NBEA: variants seen among roughly 807,000 people sequenced by gnomAD.
The protein encoded by NBEA is lysosomal-trafficking regulator 2.
In NBEA, 44 loss-of-function variants were observed where a neutral mutation model predicts 343.4. That is an observed-to-expected ratio of 0.13 (90% CI 0.10 to 0.16). The LOEUF (loss-of-function observed/expected upper bound fraction) is 0.16. Among genes scored for constraint, NBEA ranks in the 10% least tolerant of loss-of-function variants. NBEA has a pLI of 1.00. For missense variants in NBEA, 2,555 were observed against 3,631.3 expected (o/e 0.70, Z 7.62); for synonymous variants, 1,175 against 1,238.7 (o/e 0.95, Z 1.08).
intron 1 of NBEA, among the ~76,000 whole-genome samples, chr13:34,973,426 G>T (rs1264124334): frequency 6.6e-6 from 1 of 152,214 alleles, no homozygotes; most frequent in Admixed American, 6.5e-5. Flanking sequence ...AAAGATGGCA[G>T]CCTGCCCCTC....
chr13:35,478,460 T>TG (rs1368347390), intron 41 of NBEA, among the ~76,000 whole-genome samples: 2 of 152,216 alleles, frequency 1.3e-5, no homozygotes, highest in Non-Finnish European at 2.9e-5. Flanking sequence ...CAGTGGTCTC[T>TG]GGGGAAACGC....
intron 38 of NBEA, among the ~76,000 whole-genome samples, chr13:35,369,016 C>T (rs939858783): frequency 2.0e-5 from 3 of 151,692 alleles, no homozygotes; most frequent in African/African-American, 7.2e-5. Flanking sequence ...GAAGTGTTTG[C>T]CTGCATTTTC....
At chr13:35,500,234 C>T (rs972226005) in intron 41 of NBEA, among the ~76,000 whole-genome samples, 1 of 152,084 alleles carries the variant, frequency 6.6e-6, no homozygotes, top group African/African-American at 2.4e-5. Context: ...TCCAGGGTTG[C>T]TTTCCACTCG....
At chr13:35,236,789 A>G (rs2152774546) in intron 34 of NBEA, among the ~76,000 whole-genome samples, 1 of 151,122 alleles carries the variant, frequency 6.6e-6, no homozygotes, top group South Asian at 2.1e-4. Flanking sequence ...TCCCCAAATT[A>G]TACTCATCCT....
At chr13:35,363,419 T>C (rs1053010912) in intron 38 of NBEA, among the ~76,000 whole-genome samples, 3 of 151,854 alleles carry the variant, frequency 2.0e-5, no homozygotes, top group Non-Finnish European at 4.4e-5. Context: ...ATGTACCCTA[T>C]CACTTTTATG....
rs554382693 is a variant in NBEA, at chr13:35,213,645, A to G, written c.5648+2466A>G. Reference sequence around the variant, plus strand: ...TTTTAGTAATGATTTTTAGTTTTCTATGTGGAAGTCTTAGATGTTTCTAAA... The same window carrying G: ...TTTTAGTAATGATTTTTAGTTTTCTGTGTGGAAGTCTTAGATGTTTCTAAA... On this transcript the variant is annotated intron_variant, in intron 33 of 58. Coordinates refer to ENST00000379939, the MANE Select transcript of NBEA (RefSeq NM_001385012.1). 7.6e-5 allele frequency among the ~76,000 whole-genome samples: 11 copies of G among 144,212 alleles called. 1 individual carries two copies. In the South Asian group the frequency reaches 2.5e-3, roughly 33 times the overall value. 94.6% of individuals were successfully genotyped at this position (144,212 alleles called of 152,430 possible).
intron 8 of NBEA, among the ~76,000 whole-genome samples, chr13:35,063,623 A>C (rs2063542892): frequency 6.6e-6 from 1 of 152,000 alleles, no homozygotes. Context: ...CTTGAGTGAG[A>C]GGAACAGCCA....
chr13:35,010,687 C>G (rs1593452733), intron 1 of NBEA, among the ~76,000 whole-genome samples: 1 of 115,622 alleles, frequency 8.6e-6, no homozygotes, highest in African/African-American at 3.4e-5. Flanking sequence ...AATGGGAATT[C>G]AAGACCAGCC....
chr13:35,370,587 T>C (rs1311038287), intron 38 of NBEA, among the ~76,000 whole-genome samples: 1 of 152,094 alleles, frequency 6.6e-6, no homozygotes, highest in African/African-American at 2.4e-5. Flanking sequence ...TAATGTACTT[T>C]TGGTTGTTTT....
At chr13:35,469,812 A>G (rs117082229) in intron 40 of NBEA, among the ~76,000 whole-genome samples, 4,469 of 152,276 alleles carry the variant, frequency 0.029, 101 homozygotes, top group Non-Finnish European at 0.044. Context: ...CAGAGATGCT[A>G]TTCTTTGTAA....
chr13:35,620,784 G>C (rs183303852), intron 48 of NBEA, among the ~76,000 whole-genome samples: 2 of 152,150 alleles, frequency 1.3e-5, no homozygotes, highest in Non-Finnish European at 2.9e-5. Context: ...TATTGATTCT[G>C]GGTGTATTTT....
At chr13:35,562,856 C>T (rs1345758199) in intron 44 of NBEA, among the ~76,000 whole-genome samples, 2 of 151,962 alleles carry the variant, frequency 1.3e-5, no homozygotes, top group Admixed American at 6.6e-5. Context: ...AACATTTTCA[C>T]CAAGGAATTG....
intron 34 of NBEA, among the ~76,000 whole-genome samples, chr13:35,252,318 A>G (rs940041702): frequency 1.6e-4 from 24 of 152,316 alleles, no homozygotes; most frequent in African/African-American, 3.9e-4. Flanking sequence ...AATCACCCCC[A>G]TGATTCAGTC....
At chr13:35,386,879 A>C (rs564308693) in intron 38 of NBEA, among the ~76,000 whole-genome samples, 129 of 152,282 alleles carry the variant, frequency 8.5e-4, no homozygotes, top group Admixed American at 2.5e-3. Context: ...AATGTGGCTA[A>C]ATCAAAACGA....
chr13:35,584,199 T>C (rs1332082822), intron 46 of NBEA, among the ~76,000 whole-genome samples, 161 bp downstream of exon 46: 11 of 152,340 alleles, frequency 7.2e-5, no homozygotes, highest in Non-Finnish European at 2.9e-5. Flanking sequence ...ATTTTTTTTA[T>C]TGAGTTGTCT....
intron 38 of NBEA, among the ~76,000 whole-genome samples, chr13:35,409,237 C>T (rs1169966416): frequency 2.6e-5 from 4 of 152,056 alleles, no homozygotes; most frequent in African/African-American, 9.7e-5. Context: ...AGCAAACTAA[C>T]AGGCACACAA....
rs747370071 is a variant in NBEA at position 35,290,342 on chromosome 13, T to C, written c.5777-47T>C. On this transcript the variant is annotated intron_variant, in intron 34 of 58. Coordinates refer to ENST00000379939, the MANE Select transcript of NBEA (RefSeq NM_001385012.1). Reference sequence around the variant, plus strand: ...ATAATGAATTAACTCAGAATGATAATTTCTGCCATTGTAATTTCATTTTGT... The same window carrying C: ...ATAATGAATTAACTCAGAATGATAACTTCTGCCATTGTAATTTCATTTTGT... 2.5e-6 allele frequency: 3 copies of C among 1,203,656 alleles called. No individual in the cohort carries two copies. The Admixed American group carries it at 5.1e-5, about 21-fold the overall frequency. 74.6% of individuals were successfully genotyped at this position (1,203,656 alleles called of 1,614,324 possible).
In NBEA at chr13:35,432,406, GCTT is replaced by G. The variant is rs2045178425; in HGVS notation, c.6304+18_6304+20del. On this transcript the variant is annotated intron_variant, in intron 39 of 58. Coordinates refer to ENST00000379939, the MANE Select transcript of NBEA (RefSeq NM_001385012.1). ...GCAATAGAATATGGTTAGTACCAATGCTTCTTCCACAAAAATACTTCTGGATGT... is the reference window on the plus strand; with the variant it reads ...GCAATAGAATATGGTTAGTACCAATGCTTCCACAAAAATACTTCTGGATGT... 6.5e-7 allele frequency: 1 copy of G among 1,548,588 alleles called. No homozygotes were observed. Among genetic ancestry groups the G allele is most frequent in the Admixed American group, 1.9e-5 (1 of 52,772 alleles).
At chr13:35,262,038 A>G (rs1179084289) in intron 34 of NBEA, among the ~76,000 whole-genome samples, 13 of 152,232 alleles carry the variant, frequency 8.5e-5, no homozygotes, top group Admixed American at 8.5e-4. Flanking sequence ...ACCAGTGATT[A>G]TATTAAATGC....
Sources: gnomAD v4.1 joint callset for allele counts (sites outside exome capture counted in the v4.1 genomes callset) on GRCh38, gnomAD v4.1.1 for gene constraint, MANE v1.5 for transcripts, NCBI Gene and HGNC (gene_info 2026-07-23, HGNC 2026-07-21) for gene names.